The following AGAP1 variants were observed in gnomAD, a reference collection of about 807,000 sequenced individuals.
AGAP1 encodes the protein arf-GAP with GTPase, ANK repeat and PH domain-containing protein 1.
AGAP1 carries 29 observed loss-of-function variants against 105.3 expected under a neutral mutation model. The ratio of observed to expected loss-of-function variants is 0.28; its 90% CI spans 0.21 to 0.38. The LOEUF (loss-of-function observed/expected upper bound fraction) is 0.38. Among genes scored for constraint, AGAP1 ranks in the 10% least tolerant of loss-of-function variants. The probability of loss-of-function intolerance (pLI) is 1.00; values close to 1 mark genes in which losing one functional copy is unlikely to be tolerated. For synonymous variants in AGAP1, 509 were observed against 485.9 expected, an observed-to-expected ratio of 1.05 and a Z score of -0.63; for missense variants, 998 against 1,165.1, an observed-to-expected ratio of 0.86 and a Z score of 2.09.
Position 236,120,151 on chromosome 2 carries a change from G to A in AGAP1, c.2115-41G>A, listed in dbSNP as rs201918073. On this transcript the variant is annotated intron_variant, in intron 16 of 17. Coordinates refer to ENST00000304032, the MANE Select transcript of AGAP1 (RefSeq NM_001037131.3). This position sits in a 1 kb window ranked among gnomAD's most constrained non-coding sequence, Gnocchi z 6.0. ...GCAGGGGCTGGCAGCCTGTGTTCTC[G>A]GGCCTGATCGTGACTGCACCTGTCT... is the stretch of plus-strand genomic sequence containing the variant. The A allele has an allele frequency of 1.3e-4, 211 of 1,577,488 alleles. 1 individual carries two copies. The African/African-American group carries it at 1.9e-3, about 14-fold the overall frequency.
rs2057664474 is a variant in AGAP1 at position 236,044,763 on chromosome 2, G to A, written c.1891+3922G>A. The stretch of plus-strand genomic sequence containing the variant: ...TAGTCCTTCCCTGACCTCCAGGTTT[G>A]AAATCACACACACACACACACACAC... On this transcript the variant is annotated intron_variant, in intron 15 of 17. Transcript: ENST00000304032. This position sits in a 1 kb window ranked among gnomAD's most constrained non-coding sequence, Gnocchi z 5.7. Among the ~76,000 whole-genome samples, 1 of 117,926 alleles carries A rather than the reference G, an allele frequency of 8.5e-6. No homozygotes were observed. The highest frequency in any genetic ancestry group is 2.5e-4 in the South Asian group (1 of 4,058). 77.4% of individuals were successfully genotyped at this position (117,926 alleles called of 152,430 possible).
intron 1 of AGAP1, chr2:235,524,421 A>AGCT: frequency 4.1e-6 from 1 of 244,720 alleles, no homozygotes; most frequent in Non-Finnish European, 9.1e-6. Flanking sequence ...ACAGCCTGAC[A>AGCT]GTGGGGGCAA....
intron 1 of AGAP1, among the ~76,000 whole-genome samples, chr2:235,509,395 C>T (rs1027573282): frequency 4.6e-5 from 7 of 151,920 alleles, no homozygotes; most frequent in African/African-American, 7.3e-5. Flanking sequence ...CAACCACGCC[C>T]GGCTAATTTT....
rs1366245721 is a variant in AGAP1, at chr2:236,049,474, A to G, written c.2114+193A>G. The G allele has an allele frequency of 9.5e-6, 5 of 527,176 alleles. No individual in the cohort carries two copies. In the East Asian group the frequency reaches 1.5e-4, roughly 16 times the overall value. 32.7% of individuals were successfully genotyped at this position (527,176 alleles called of 1,614,324 possible). A position where few individuals can be genotyped will look rare whatever the true frequency, so the allele number is the denominator to read the frequency against. ...CAGACGTGGATAATTCACACTCCTT[A>G]ATTTTTTATGTTTGTTTTTAGGCCT... is the stretch of plus-strand genomic sequence containing the variant. On this transcript the variant is annotated intron_variant, in intron 16 of 17. Coordinates refer to ENST00000304032, the MANE Select transcript of AGAP1 (RefSeq NM_001037131.3).
chr2:235,758,501 TC>T (rs1954125475), intron 6 of AGAP1, among the ~76,000 whole-genome samples: 1 of 151,884 alleles, frequency 6.6e-6, no homozygotes, highest in Non-Finnish European at 1.5e-5. Context: ...CTCATCACTG[TC>T]CCCGTCTCTA....
rs946662176 is a variant in AGAP1 at position 236,009,296 on chromosome 2, G to T, written c.1646-27265G>T. ...CAATCTCTAACCTCACAATGAAATCGCCACGGACAAAAGATCACGGGATAC... is the reference window on the plus strand; with the variant it reads ...CAATCTCTAACCTCACAATGAAATCTCCACGGACAAAAGATCACGGGATAC... On this transcript the variant is annotated intron_variant, in intron 13 of 17. Coordinates refer to ENST00000304032, the MANE Select transcript of AGAP1 (RefSeq NM_001037131.3). The surrounding 1 kb of genome is among the most constrained non-coding windows in gnomAD (Gnocchi z 4.2). 6.6e-6 allele frequency among the ~76,000 whole-genome samples: 1 copy of T among 152,072 alleles called. No homozygotes were observed. Among genetic ancestry groups the T allele is most frequent in the African/African-American group, 2.4e-5 (1 of 41,390 alleles).
At chr2:235,913,249 AATAT>A (rs2125065727) in intron 11 of AGAP1, among the ~76,000 whole-genome samples, 1 of 152,232 alleles carries the variant, frequency 6.6e-6, no homozygotes, top group East Asian at 1.9e-4. Context: ...TCCCTTAAAA[AATAT>A]ATGTATGTGT....
intron 13 of AGAP1, among the ~76,000 whole-genome samples, chr2:235,984,503 A>AT (rs992322778): frequency 2.2e-4 from 33 of 151,542 alleles, no homozygotes; most frequent in Non-Finnish European, 1.2e-4. Context: ...TAAAAAAAAA[A>AT]AAAAATAGAT....
rs2052482656 is a variant in AGAP1 at position 235,927,057 on chromosome 2, G to C, written c.1325-3708G>C. 6.6e-6 allele frequency among the ~76,000 whole-genome samples: 1 copy of C among 152,230 alleles called. No individual in the cohort carries two copies. Among genetic ancestry groups the C allele is most frequent in the Non-Finnish European group, 1.5e-5 (1 of 68,044 alleles). On this transcript the variant is annotated intron_variant, in intron 11 of 17. Transcript: ENST00000304032. This position sits in a 1 kb window ranked among gnomAD's most constrained non-coding sequence, Gnocchi z 4.4. ...CAGGCGATAGTCTGTGGATCTGATTGAAAGTTTCACCTTTATCACGGTTTG... is the reference window on the plus strand; with the variant it reads ...CAGGCGATAGTCTGTGGATCTGATTCAAAGTTTCACCTTTATCACGGTTTG...
chr2:235,767,377 C>T (rs2675131), intron 6 of AGAP1, among the ~76,000 whole-genome samples: 38,455 of 152,124 alleles, frequency 0.25, 5,254 homozygotes, highest in Admixed American at 0.4. Flanking sequence ...GCTTCTCGTG[C>T]GCACCAGCGA....
chr2:235,511,370 G>C lies in AGAP1; in HGVS notation c.163+16521G>C, dbSNP rs1352468291. Among the ~76,000 whole-genome samples, 6 of 152,106 alleles carry C rather than the reference G, an allele frequency of 3.9e-5. No homozygotes were observed. The East Asian group carries it at 1.2e-3, about 29-fold the overall frequency. On this transcript the variant is annotated intron_variant, in intron 1 of 17. Transcript: ENST00000304032. ...GTGAGCAAGGACACCTGGTTCCCTG[G>C]GGTCTGAGCCAGGCCCTCAGGGAGG... is the stretch of plus-strand genomic sequence containing the variant.
rs2048655871 is a variant in AGAP1 at position 235,855,610 on chromosome 2, A to G, written c.1051-27735A>G. On this transcript the variant is annotated intron_variant, in intron 9 of 17. Transcript: ENST00000304032. The surrounding 1 kb of genome is among the most constrained non-coding windows in gnomAD (Gnocchi z 5.0). ...TTAGATTCGTTGCCCTGAACTTTTGATTTTGATATTATAAATACACAGCTA... is the reference window on the plus strand; with the variant it reads ...TTAGATTCGTTGCCCTGAACTTTTGGTTTTGATATTATAAATACACAGCTA... Among the ~76,000 whole-genome samples the G allele has an allele frequency of 6.6e-6, 1 of 152,112 alleles. No individual in the cohort carries two copies. The highest frequency in any genetic ancestry group is 2.1e-4 in the South Asian group (1 of 4,822).
chr2:235,918,376 A>G (rs1483454177), intron 11 of AGAP1, among the ~76,000 whole-genome samples: 1 of 152,240 alleles, frequency 6.6e-6, no homozygotes, highest in African/African-American at 2.4e-5. Context: ...TGTCTATTTG[A>G]CAATTTTTAG....
chr2:235,718,275 G>GT, intron 3 of AGAP1: 2 of 708,022 alleles, frequency 2.8e-6, no homozygotes, highest in Non-Finnish European at 3.5e-6. Flanking sequence ...TTGACAAGCA[G>GT]TTTTCTAAAT....
chr2:235,758,831 C>T (rs913881592), intron 6 of AGAP1, among the ~76,000 whole-genome samples: 23 of 152,188 alleles, frequency 1.5e-4, no homozygotes, highest in African/African-American at 4.8e-4. Context: ...GTCTCACTGT[C>T]ACACAAGCTG....
At position 235,989,432 on chromosome 2, in the gene AGAP1, C is replaced by A. The variant is rs546964256; in HGVS notation, c.1645+20809C>A. On this transcript the variant is annotated intron_variant, in intron 13 of 17. Coordinates refer to ENST00000304032, the MANE Select transcript of AGAP1 (RefSeq NM_001037131.3). This position sits in a 1 kb window ranked among gnomAD's most constrained non-coding sequence, Gnocchi z 4.4. ...AACATCAGGAGGAGGGTCCGCAGCT[C>A]GATGGTGATGAGTGTAGGGGAGAGG... Among the ~76,000 whole-genome samples the A allele has an allele frequency of 2.0e-5, 3 of 152,052 alleles. No homozygotes were observed. The highest frequency in any genetic ancestry group is 4.4e-5 in the Non-Finnish European group (3 of 68,002).
In AGAP1 at chr2:235,740,885, A is replaced by G; in HGVS notation, c.311-78A>G. The stretch of plus-strand genomic sequence containing the variant: ...GCGACAGCCTAGGGTGTATTTTTCC[A>G]CAAGCGAAGCCCACGTCTGTCTGCC... On this transcript the variant is annotated intron_variant, in intron 3 of 17. Coordinates refer to ENST00000304032, the MANE Select transcript of AGAP1 (RefSeq NM_001037131.3). This position sits in a 1 kb window ranked among gnomAD's most constrained non-coding sequence, Gnocchi z 5.7. 6.3e-7 allele frequency: 1 copy of G among 1,580,256 alleles called. No individual in the cohort carries two copies. Among genetic ancestry groups the G allele is most frequent in the Non-Finnish European group, 8.7e-7 (1 of 1,152,918 alleles).
intron 1 of AGAP1, chr2:235,670,660 C>A (rs1022989950): frequency 1.1e-5 from 7 of 649,252 alleles, no homozygotes; most frequent in African/African-American, 1.9e-5. Flanking sequence ...CGCCGTGCGA[C>A]GAGGCCGCGG....
intron 12 of AGAP1, among the ~76,000 whole-genome samples, chr2:235,938,938 G>C (rs1346835433): frequency 6.6e-6 from 1 of 152,146 alleles, no homozygotes; most frequent in African/African-American, 2.4e-5. Context: ...TAGAGATCTA[G>C]TCCATTTGGC....
Sources: gnomAD v4.1 joint callset for allele counts (sites outside exome capture counted in the v4.1 genomes callset) on GRCh38, gnomAD v4.1.1 for gene constraint, Gnocchi (gnomAD v3.1) non-coding constraint, MANE v1.5 for transcripts, NCBI Gene and HGNC (gene_info 2026-07-23, HGNC 2026-07-21) for gene names.